The following SHANK1 variants were observed in gnomAD, a reference collection of about 807,000 sequenced individuals.
SHANK1 encodes the protein SH3 and multiple ankyrin repeat domains 1.
A neutral mutation model predicts 165.6 loss-of-function variants in SHANK1; 35 were observed. The ratio of observed to expected loss-of-function variants is 0.21; its 90% CI spans 0.16 to 0.28. The LOEUF (loss-of-function observed/expected upper bound fraction) is 0.28, where lower values mean the gene tolerates loss of function less well. Ranked by LOEUF, SHANK1 falls within the 10% of genes least tolerant of loss-of-function variation. The pLI is 1.00. For synonymous variants in SHANK1, 1,428 were observed against 1,384.8 expected, an observed-to-expected ratio of 1.03 and a Z score of -0.69; for missense variants, 2,681 against 3,036.4, an observed-to-expected ratio of 0.88 and a Z score of 2.75.
chr19:50,678,689 G>A (rs1465314722), intron 21 of SHANK1, among the ~76,000 whole-genome samples: 1 of 135,698 alleles, frequency 7.4e-6, no homozygotes, highest in Non-Finnish European at 1.6e-5. Flanking sequence ...TGGGGGTCAG[G>A]GTGAGAGAAG....
At position 50,713,653 on chromosome 19, in the gene SHANK1, G is replaced by T; in HGVS notation, c.792+145C>A. 1 of 1,088,144 alleles carries T rather than the reference G, an allele frequency of 9.2e-7. No individual in the cohort carries two copies. Among genetic ancestry groups the T allele is most frequent in the African/African-American group, 1.6e-5 (1 of 64,098 alleles). The allele number at this position is 1,088,144 out of a possible 1,614,324, so 67.4% of individuals were successfully genotyped here. ...TGACAAGGGTGACAATAGGGGCTGT[G>T]TCTCAGTCTATGGAAAGGGGCTTTG... On this transcript the variant is annotated intron_variant, in intron 6 of 23. Transcript: ENST00000293441. This position sits in a 1 kb window ranked among gnomAD's most constrained non-coding sequence, Gnocchi z 6.2.
In SHANK1 at chr19:50,668,236, T is replaced by A; in HGVS notation, c.3724A>T (p.Arg1242Trp). 6.9e-7 allele frequency: 1 copy of A among 1,456,858 alleles called. No individual in the cohort carries two copies. Among genetic ancestry groups the A allele is most frequent in the Non-Finnish European group, 9.0e-7 (1 of 1,117,030 alleles). 90.2% of individuals were successfully genotyped at this position (1,456,858 alleles called of 1,614,324 possible). The change falls in exon 23 of 24, where the codon AGG becomes TGG. Residue 1242 changes from arginine to tryptophan, a missense_variant. Arg to Trp is a moderately radical substitution (Grantham distance 101). Transcript: ENST00000293441. The part of the protein sequence containing the change: ...FGAALVGAAR[R>W]EGGWQNEARR... ...GCCTCATTCTGCCAGCCCCCCTCCC[T>A]CCGGGCCGCCCCCACCAGGGCGGCC...
chr19:50,707,918 TTTC>T (rs1283187453), intron 8 of SHANK1, among the ~76,000 whole-genome samples: 1 of 102,308 alleles, frequency 9.8e-6, no homozygotes, highest in African/African-American at 4.1e-5. Flanking sequence ...TTTCTTTTCT[TTTC>T]TTTTCTTTTC....
rs1985129081 is a variant in SHANK1, at chr19:50,659,966, G to T, written c.*1999C>A. ...CCCCCTCCCACGACCCTCCCACGAGGTTCCCCGCAGATCCCTGACATGGTG... is the reference window on the plus strand; with the variant it reads ...CCCCCTCCCACGACCCTCCCACGAGTTTCCCCGCAGATCCCTGACATGGTG... On this transcript the variant is annotated 3_prime_UTR_variant, in exon 24 of 24. Coordinates refer to ENST00000293441, the MANE Select transcript of SHANK1 (RefSeq NM_016148.5). Among the ~76,000 whole-genome samples the T allele has an allele frequency of 6.6e-6, 1 of 151,146 alleles. No homozygotes were observed. The highest frequency in any genetic ancestry group is 6.6e-5 in the Admixed American group (1 of 15,248).
At chr19:50,689,163 C>A in intron 16 of SHANK1, 34 bp downstream of exon 16, 1 of 1,534,678 alleles carries the variant, frequency 6.5e-7, no homozygotes, top group Middle Eastern at 1.9e-4. Context: ...GGTCACAGAG[C>A]CCTTCTCCCA....
In SHANK1 at chr19:50,716,641, G is replaced by A. The variant is rs1366240331; in HGVS notation, c.255+24C>T. On this transcript the variant is annotated intron_variant, in intron 2 of 23. Transcript: ENST00000293441. The surrounding 1 kb of genome is among the most constrained non-coding windows in gnomAD (Gnocchi z 8.4). Reference sequence around the variant, plus strand: ...GTTGGGGCACTGTCCCTCTCCTGCCGCTGGCCAGTGGGCAGGTACTCACTG... The same window carrying A: ...GTTGGGGCACTGTCCCTCTCCTGCCACTGGCCAGTGGGCAGGTACTCACTG... 1.2e-5 allele frequency: 18 copies of A among 1,551,492 alleles called. No individual in the cohort carries two copies. Among genetic ancestry groups the A allele is most frequent in the Admixed American group, 1.9e-5 (1 of 52,824 alleles).
Position 50,667,621 on chromosome 19 carries a change from G to A in SHANK1, c.4339C>T (p.Arg1447Cys), listed in dbSNP as rs770475224. 7.0e-7 allele frequency: 1 copy of A among 1,428,220 alleles called. No individual in the cohort carries two copies. The highest frequency in any genetic ancestry group is 9.1e-7 in the Non-Finnish European group (1 of 1,101,378). 88.5% of individuals were successfully genotyped at this position (1,428,220 alleles called of 1,614,324 possible). Residue 1447 changes from arginine to cysteine, a missense_variant, in exon 23 of 24, where the codon CGC becomes TGC. This residue lies in a region of SHANK1 where 1,713 missense variants were observed against 1,630.2 expected (regional missense o/e 1.05). Coordinates refer to ENST00000293441, the MANE Select transcript of SHANK1 (RefSeq NM_016148.5). The surrounding 1 kb of genome is among the most constrained non-coding windows in gnomAD (Gnocchi z 5.7). ...PPAARRSLLH[R>C]LPPTAPGVGP... Reference sequence around the variant, plus strand: ...ACCCCGGGAGCGGTGGGCGGCAGGCGGTGTAGCAGGGAACGCCGGGCGGCG... The same window carrying A: ...ACCCCGGGAGCGGTGGGCGGCAGGCAGTGTAGCAGGGAACGCCGGGCGGCG...
intron 19 of SHANK1, 41 bp downstream of exon 19, chr19:50,687,541 C>A: frequency 6.7e-7 from 1 of 1,498,198 alleles, no homozygotes; most frequent in South Asian, 1.2e-5. Flanking sequence ...TCCTTCCCCT[C>A]TCCCCCCGGC....
Position 50,666,823 on chromosome 19 carries a change from C to T in SHANK1, c.5137G>A (p.Gly1713Arg), listed in dbSNP as rs764141364. ...EGGGSAGGGG[G>R]AGAGVASGPE... ...CCACTGGCCACACCGGCCCCAGCCC[C>T]GCCCCCACCCCCTGCGCTGCCACCA... is the stretch of plus-strand genomic sequence containing the variant. Residue 1713 changes from glycine to arginine, a missense_variant, in exon 23 of 24, where the codon GGG (glycine) becomes AGG (arginine). Gly to Arg is a moderately radical substitution (Grantham distance 125). This residue lies in a region of SHANK1 where 1,713 missense variants were observed against 1,630.2 expected (regional missense o/e 1.05). Coordinates refer to ENST00000293441, the MANE Select transcript of SHANK1 (RefSeq NM_016148.5). 2.1e-5 allele frequency: 32 copies of T among 1,550,132 alleles called. 1 individual carries two copies. The Middle Eastern group carries it at 5.7e-4, about 28-fold the overall frequency.
chr19:50,666,032 AAAAAAG>A (rs1011665060), intron 23 of SHANK1, among the ~76,000 whole-genome samples, 154 bp downstream of exon 23: 2 of 147,022 alleles, frequency 1.4e-5, no homozygotes, highest in African/African-American at 2.6e-5. Context: ...AAGAAAAAAA[AAAAAAG>A]AAAAAGAAAA....
intron 21 of SHANK1, among the ~76,000 whole-genome samples, chr19:50,672,736 G>A (rs958756411): frequency 6.6e-5 from 10 of 151,962 alleles, no homozygotes; most frequent in Non-Finnish European, 2.9e-5. Flanking sequence ...AGTGTTCTCC[G>A]GGATGGAGCA....
In SHANK1 at chr19:50,662,799, G is replaced by A; in HGVS notation, c.5769-117C>T. On this transcript the variant is annotated intron_variant, in intron 23 of 23. Transcript: ENST00000293441. This position sits in a 1 kb window ranked among gnomAD's most constrained non-coding sequence, Gnocchi z 7.7. ...AGAGGAGGAGAGACATAAGGGTAGG[G>A]GGAGAGACGGAGGAGAGACGGGAAG... 4.7e-6 allele frequency: 5 copies of A among 1,058,518 alleles called. No homozygotes were observed. Among genetic ancestry groups the A allele is most frequent in the Admixed American group, 2.2e-5 (1 of 44,988 alleles). 65.6% of individuals were successfully genotyped at this position (1,058,518 alleles called of 1,614,324 possible). A position where few individuals can be genotyped will look rare whatever the true frequency, so the allele number is the denominator to read the frequency against.
intron 15 of SHANK1, 123 bp downstream of exon 15, chr19:50,696,973 C>T: frequency 2.5e-6 from 2 of 814,674 alleles, no homozygotes; most frequent in South Asian, 1.5e-5. Context: ...TGCACACCTA[C>T]AGAGACACAC....
Position 50,697,207 on chromosome 19 carries a change from C to G in SHANK1, c.1938-85G>C. On this transcript the variant is annotated intron_variant, in intron 14 of 23. Transcript: ENST00000293441. The surrounding 1 kb of genome is among the most constrained non-coding windows in gnomAD (Gnocchi z 4.7). Reference sequence around the variant, plus strand: ...TCACCCCAATCCCACCCAGCCCTGACTGCACCCTCCCCACACCGGTGCATG... The same window carrying G: ...TCACCCCAATCCCACCCAGCCCTGAGTGCACCCTCCCCACACCGGTGCATG... The G allele has an allele frequency of 6.3e-7, 1 of 1,593,988 alleles. No homozygotes were observed. Among genetic ancestry groups the G allele is most frequent in the Non-Finnish European group, 8.6e-7 (1 of 1,162,514 alleles).
Position 50,666,231 on chromosome 19 carries a change from C to A in SHANK1, c.5729G>T (p.Ser1910Ile), listed in dbSNP as rs192533917. 6 of 1,608,010 alleles carry A rather than the reference C, an allele frequency of 3.7e-6. 1 individual carries two copies. In the South Asian group the frequency reaches 5.6e-5, roughly 15 times the overall value. Residue 1910 changes from serine (S) to isoleucine (I), a missense_variant, in exon 23 of 24, where the codon AGC becomes ATC. Ser to Ile is a moderately radical substitution (Grantham distance 142). Transcript: ENST00000293441. ...GGGDSHHGGA[S>I]YVPERTSSLQ... ...GGAGGAGGTCCTCTCGGGGACATAG[C>A]TGGCTCCCCCGTGGTGGCTGTCTCC...
intron 21 of SHANK1, 132 bp from the exon 22 acceptor site, chr19:50,672,246 G>A (rs911092257): frequency 2.7e-6 from 2 of 727,662 alleles, no homozygotes; most frequent in African/African-American, 1.8e-5. Flanking sequence ...GGAGAGCAGT[G>A]TGAAGACGGT....
In SHANK1 at chr19:50,661,709, A is replaced by C. The variant is rs1985231410; in HGVS notation, c.*256T>G. ...CCCTCCTTCTCAATTCCCCTCTGTA[A>C]TTTCTCCTATCCCCCCTCCGCTCCC... On this transcript the variant is annotated 3_prime_UTR_variant, in exon 24 of 24. Coordinates refer to ENST00000293441, the MANE Select transcript of SHANK1 (RefSeq NM_016148.5). 4.0e-6 allele frequency: 2 copies of C among 498,982 alleles called. No homozygotes were observed. Among genetic ancestry groups the C allele is most frequent in the Non-Finnish European group, 3.6e-6 (1 of 278,702 alleles). The allele number at this position is 498,982 out of a possible 1,614,324, so 30.9% of individuals were successfully genotyped here.
In SHANK1 at chr19:50,668,953, GGT is replaced by G; in HGVS notation, c.3005_3006del (p.His1002ProfsTer165). ...PLPPAHHHPP[H>X]HHHHHAPPPQ... Reference sequence around the variant, plus strand: ...GGGGGCGGGGCGTGGTGGTGGTGGTGGTGGGGCGGGTGGTGGTGGGCCGGGGG... The same window carrying G: ...GGGGGCGGGGCGTGGTGGTGGTGGTGGGGGCGGGTGGTGGTGGGCCGGGGG... On this transcript the variant is annotated frameshift_variant, in exon 23 of 24. Coordinates refer to ENST00000293441, the MANE Select transcript of SHANK1 (RefSeq NM_016148.5). LOFTEE classifies it high-confidence loss of function. 1.7e-6 allele frequency: 1 copy of G among 585,256 alleles called. No individual in the cohort carries two copies. The highest frequency in any genetic ancestry group is 2.3e-5 in the South Asian group (1 of 44,192). The allele number at this position is 585,256 out of a possible 1,614,324, so 36.3% of individuals were successfully genotyped here.
chr19:50,716,627 G>A lies in SHANK1; in HGVS notation c.255+38C>T. 1 of 1,552,602 alleles carries A rather than the reference G, an allele frequency of 6.4e-7. No individual in the cohort carries two copies. The highest frequency in any genetic ancestry group is 8.7e-7 in the Non-Finnish European group (1 of 1,146,474). ...GACTCCCCATGTCGGTTGGGGCACT[G>A]TCCCTCTCCTGCCGCTGGCCAGTGG... On this transcript the variant is annotated intron_variant, in intron 2 of 23. Coordinates refer to ENST00000293441, the MANE Select transcript of SHANK1 (RefSeq NM_016148.5). The surrounding 1 kb of genome is among the most constrained non-coding windows in gnomAD (Gnocchi z 8.4).
Sources: allele counts gnomAD v4.1 joint callset (sites outside exome capture counted in the v4.1 genomes callset), GRCh38; gene constraint gnomAD v4.1.1; regional missense constraint gnomAD v4.1.1; non-coding constraint Gnocchi (gnomAD v3.1); transcripts MANE v1.5; gene names NCBI Gene and HGNC (gene_info 2026-07-23, HGNC 2026-07-21).